Variants in LINGO2 observed in about 807,000 individuals in gnomAD.
The protein encoded by LINGO2 is leucine-rich repeat and immunoglobulin-like domain-containing nogo receptor-interacting protein 2.
A neutral mutation model predicts 30.6 loss-of-function variants in LINGO2; 14 were observed. The observed-to-expected ratio is 0.46, with a 90% CI of 0.30 to 0.72. The LOEUF is 0.72. Ranked by LOEUF, LINGO2 falls within the 30% of genes least tolerant of loss-of-function variation. LINGO2 has a pLI of 0.07. For missense variants in LINGO2, 729 were observed against 751.7 expected, an observed-to-expected ratio of 0.97 and a Z score of 0.35; for synonymous variants, 317 against 288.5, an observed-to-expected ratio of 1.10 and a Z score of -1.00.
intron 4 of LINGO2, among the ~76,000 whole-genome samples, chr9:28,020,561 CA>C (rs11364813): frequency 5.9e-5 from 5 of 84,708 alleles, no homozygotes; most frequent in Admixed American, 1.3e-4. Flanking sequence ...CAAAACAAAA[CA>C]AAACAAAACA....
At chr9:28,104,266 G>GTTTTTTTTTTTTTTT (rs74180789) in intron 4 of LINGO2, among the ~76,000 whole-genome samples, 112 of 97,420 alleles carry the variant, frequency 1.1e-3, no homozygotes, top group East Asian at 2.5e-3. Context: ...TTTTTTGTTT[G>GTTTTTTTTTTTTTTT]TTTTTTTTTT....
At chr9:28,190,307 A>G (rs922979472) in intron 4 of LINGO2, among the ~76,000 whole-genome samples, 3 of 152,106 alleles carry the variant, frequency 2.0e-5, no homozygotes, top group Non-Finnish European at 4.4e-5. Context: ...GCAGAGTTGC[A>G]CAGTATTTTA....
rs78146505 is a variant in LINGO2, at chr9:28,074,440, T to C, written c.-86-62035A>G. Among the ~76,000 whole-genome samples the C allele has an allele frequency of 6.6e-3, 1,000 of 152,294 alleles. 52 individuals are homozygous for C. In the East Asian group the frequency reaches 0.13, roughly 20 times the overall value. ...TTCTGCAGACCTTTATTGGATCATG[T>C]CGTACATGCCAGGTACTTCACTAGG... On this transcript the variant is annotated intron_variant, in intron 4 of 5. Coordinates refer to ENST00000379992, the Ensembl canonical transcript of LINGO2.
chr9:28,309,687 A>T (rs898145264), intron 3 of LINGO2, among the ~76,000 whole-genome samples: 26 of 152,204 alleles, frequency 1.7e-4, no homozygotes, highest in Non-Finnish European at 3.2e-4. Context: ...TACAATTTAA[A>T]ACGTTTTTGC....
intron 1 of LINGO2, among the ~76,000 whole-genome samples, chr9:28,636,401 T>C (rs1036958891): frequency 3.9e-5 from 6 of 152,168 alleles, no homozygotes; most frequent in Non-Finnish European, 7.3e-5. Context: ...ATCGCCACAC[T>C]GACTTCCACA....
At chr9:28,978,509 G>A in the LINGO2 span, among the ~76,000 whole-genome samples, 9 of 152,094 alleles carry the variant, frequency 5.9e-5, no homozygotes, top group African/African-American at 2.2e-4. Flanking sequence ...TTATAAAATG[G>A]GAATAATGCT....
At chr9:28,659,610 G>C (rs1313036517) in intron 1 of LINGO2, among the ~76,000 whole-genome samples, 1 of 151,988 alleles carries the variant, frequency 6.6e-6, no homozygotes, top group Non-Finnish European at 1.5e-5. Context: ...ACCACAGCCA[G>C]CAATTTTTTT....
chr9:29,170,448 G>A, the LINGO2 span, among the ~76,000 whole-genome samples: 1 of 152,006 alleles, frequency 6.6e-6, no homozygotes, highest in African/African-American at 2.4e-5. Context: ...GACTATAAAA[G>A]GTGGGAAGGG....
intron 4 of LINGO2, among the ~76,000 whole-genome samples, chr9:28,033,425 C>A (rs1311814596): frequency 1.3e-5 from 2 of 152,166 alleles, no homozygotes; most frequent in Non-Finnish European, 2.9e-5. Context: ...TTGCACTGGC[C>A]TGCTGTTCTG....
chr9:28,036,489 A>G (rs373623670), intron 4 of LINGO2, among the ~76,000 whole-genome samples: 13 of 152,286 alleles, frequency 8.5e-5, no homozygotes, highest in African/African-American at 3.1e-4. Flanking sequence ...TAGTAGACCT[A>G]TGACTGAGGG....
intron 1 of LINGO2, among the ~76,000 whole-genome samples, chr9:28,566,218 A>G (rs1823373798): frequency 6.6e-6 from 1 of 152,118 alleles, no homozygotes; most frequent in Non-Finnish European, 1.5e-5. Flanking sequence ...AACCAAGTAA[A>G]TGGTGGAGGA....
At chr9:28,758,432 G>C in the LINGO2 span, among the ~76,000 whole-genome samples, 1 of 152,086 alleles carries the variant, frequency 6.6e-6, no homozygotes, top group South Asian at 2.1e-4. Flanking sequence ...TAACACAAAT[G>C]ACTTGTGAAA....
At position 28,620,785 on chromosome 9, in the gene LINGO2, A is replaced by T. The variant is rs145826400; in HGVS notation, c.-365+49415T>A. Among the ~76,000 whole-genome samples, 699 of 152,202 alleles carry T rather than the reference A, an allele frequency of 4.6e-3. 8 individuals carry two copies. The highest frequency in any genetic ancestry group is 0.016 in the African/African-American group (671 of 41,538). Reference sequence around the variant, plus strand: ...AGTGGGAGCTAAATGATGAGAACACATAGATACACAAAGAAGAACAACACA... The same window carrying T: ...AGTGGGAGCTAAATGATGAGAACACTTAGATACACAAAGAAGAACAACACA... On this transcript the variant is annotated intron_variant, in intron 1 of 5. Transcript: ENST00000379992.
chr9:28,765,946 A>G, the LINGO2 span, among the ~76,000 whole-genome samples: 1 of 152,060 alleles, frequency 6.6e-6, no homozygotes, highest in Non-Finnish European at 1.5e-5. Flanking sequence ...ACAAAAATAA[A>G]CTCAAAATGT....
intron 4 of LINGO2, among the ~76,000 whole-genome samples, chr9:28,255,350 A>C (rs958814802): frequency 6.6e-6 from 1 of 152,044 alleles, no homozygotes; most frequent in African/African-American, 2.4e-5. Flanking sequence ...CTAGTGATTG[A>C]AATCTTATCC....
the LINGO2 span, among the ~76,000 whole-genome samples, chr9:28,848,202 T>C: frequency 1.8e-4 from 18 of 97,318 alleles, no homozygotes; most frequent in African/African-American, 8.7e-4. Context: ...ACATATATAG[T>C]ATATATATAC....
At chr9:28,503,577 A>G (rs1819980044) in intron 1 of LINGO2, among the ~76,000 whole-genome samples, 1 of 152,008 alleles carries the variant, frequency 6.6e-6, no homozygotes, top group Non-Finnish European at 1.5e-5. Flanking sequence ...CAGTGAAAAA[A>G]AAATTGTTAT....
intron 3 of LINGO2, among the ~76,000 whole-genome samples, chr9:28,372,323 T>C (rs1363740874): frequency 2.0e-5 from 3 of 152,230 alleles, no homozygotes; most frequent in African/African-American, 7.2e-5. Context: ...TACTTTCATA[T>C]TGTTTCATAT....
chr9:29,130,513 G>A, the LINGO2 span, among the ~76,000 whole-genome samples: 2 of 152,224 alleles, frequency 1.3e-5, no homozygotes, highest in Admixed American at 1.3e-4. Context: ...TGAACTTGAT[G>A]CCCATGGCCC....
Sources: gnomAD v4.1 joint callset for allele counts (sites outside exome capture counted in the v4.1 genomes callset) on GRCh38, gnomAD v4.1.1 for gene constraint, MANE v1.5 for transcripts, NCBI Gene and HGNC (gene_info 2026-07-23, HGNC 2026-07-21) for gene names.